CNTNAP5: variants seen among roughly 807,000 people sequenced by gnomAD.
The protein encoded by CNTNAP5 is contactin-associated protein-like 5.
A neutral mutation model predicts 150.2 loss-of-function variants in CNTNAP5; 72 were observed. The ratio of observed to expected loss-of-function variants is 0.48; its 90% CI spans 0.40 to 0.58. The LOEUF is 0.58. Ranked by LOEUF, CNTNAP5 falls within the 20% of genes least tolerant of loss-of-function variation. CNTNAP5 has a pLI of 0.00. For synonymous variants in CNTNAP5, 672 were observed against 619.8 expected (o/e 1.08, Z -1.25); for missense variants, 1,636 against 1,626.2 (o/e 1.01, Z -0.10).
At chr2:124,216,690 T>A (rs552691294) in intron 1 of CNTNAP5, among the ~76,000 whole-genome samples, 1 of 152,280 alleles carries the variant, frequency 6.6e-6, no homozygotes, top group African/African-American at 2.4e-5. Context: ...GTTTCCAGCT[T>A]CATCCATGTC....
At chr2:124,233,854 T>A (rs1237667235) in intron 2 of CNTNAP5, among the ~76,000 whole-genome samples, 2 of 151,698 alleles carry the variant, frequency 1.3e-5, no homozygotes, top group Non-Finnish European at 2.9e-5. Flanking sequence ...TTTATAGAAG[T>A]AGGGAAATCA....
At chr2:124,406,226 T>C (rs553743747) in intron 3 of CNTNAP5, among the ~76,000 whole-genome samples, 8 of 152,360 alleles carry the variant, frequency 5.3e-5, no homozygotes, top group Admixed American at 2.0e-4. Flanking sequence ...CCTATCTTAT[T>C]GTGCAGGATA....
At chr2:124,812,222 G>C (rs1682251989) in intron 19 of CNTNAP5, among the ~76,000 whole-genome samples, 1 of 131,428 alleles carries the variant, frequency 7.6e-6, no homozygotes, top group East Asian at 2.2e-4. Flanking sequence ...TTTTTTAATG[G>C]TAAAGCACAT....
intron 3 of CNTNAP5, among the ~76,000 whole-genome samples, chr2:124,340,161 T>A (rs1318215244): frequency 6.6e-6 from 1 of 152,162 alleles, no homozygotes; most frequent in Non-Finnish European, 1.5e-5. Flanking sequence ...GGAAGGGCTA[T>A]TATCAGCCTT....
chr2:124,748,726 T>C lies in CNTNAP5; in HGVS notation c.2234+1341T>C, dbSNP rs76586564. 3.1e-3 allele frequency among the ~76,000 whole-genome samples: 465 copies of C among 152,278 alleles called. 1 individual carries two copies. The highest frequency in any genetic ancestry group is 4.7e-3 in the Non-Finnish European group (322 of 68,018). ...GGAAAGGACCAGGCATCTGTCTTCA[T>C]TGGGTCCTAGGAGATGTGTATTATC... On this transcript the variant is annotated intron_variant, in intron 14 of 23. Coordinates refer to ENST00000682447, the MANE Select transcript of CNTNAP5 (RefSeq NM_001367498.1).
intron 7 of CNTNAP5, among the ~76,000 whole-genome samples, chr2:124,491,183 GA>G (rs1443854329): frequency 3.3e-5 from 5 of 152,006 alleles, no homozygotes; most frequent in African/African-American, 1.2e-4. Flanking sequence ...TCTTATAATT[GA>G]AAGTTTGTAC....
chr2:124,133,054 T>C (rs777930728), intron 1 of CNTNAP5, among the ~76,000 whole-genome samples: 31 of 152,176 alleles, frequency 2.0e-4, no homozygotes, highest in Non-Finnish European at 4.3e-4. Context: ...GAAGCCTGCC[T>C]GGTTTACAAA....
intron 4 of CNTNAP5, among the ~76,000 whole-genome samples, chr2:124,421,412 G>A (rs557837492): frequency 2.0e-5 from 3 of 152,272 alleles, no homozygotes; most frequent in African/African-American, 7.2e-5. Flanking sequence ...CTGGGAAGCA[G>A]CCTTTGTTCT....
At chr2:124,171,599 C>G (rs890327650) in intron 1 of CNTNAP5, among the ~76,000 whole-genome samples, 4 of 152,194 alleles carry the variant, frequency 2.6e-5, no homozygotes, top group Non-Finnish European at 4.4e-5. Flanking sequence ...AACTCAGACT[C>G]TTGGCTTTCT....
chr2:124,674,152 T>A (rs879775148), intron 13 of CNTNAP5, among the ~76,000 whole-genome samples: 2 of 152,200 alleles, frequency 1.3e-5, no homozygotes, highest in Non-Finnish European at 2.9e-5. Context: ...AATGTTTTGA[T>A]CTTCTCAAAT....
At chr2:124,192,887 G>GTTTAAAGCTA (rs1412949306) in intron 1 of CNTNAP5, among the ~76,000 whole-genome samples, 1 of 152,270 alleles carries the variant, frequency 6.6e-6, no homozygotes, top group African/African-American at 2.4e-5. Flanking sequence ...AAATTGGATG[G>GTTTAAAGCTA]TTTAAAGCTA....
chr2:124,049,329 C>T (rs894971957), intron 1 of CNTNAP5, among the ~76,000 whole-genome samples: 3 of 152,128 alleles, frequency 2.0e-5, no homozygotes, highest in African/African-American at 7.2e-5. Flanking sequence ...AAAGGCACAC[C>T]GCTTACTCAC....
intron 10 of CNTNAP5, among the ~76,000 whole-genome samples, chr2:124,531,116 C>A (rs1695096054): frequency 6.6e-6 from 1 of 151,972 alleles, no homozygotes. Flanking sequence ...ATGGTCTCAT[C>A]TGAGGGTGAT....
At chr2:124,382,481 A>G (rs762994994) in intron 3 of CNTNAP5, among the ~76,000 whole-genome samples, 3 of 152,122 alleles carry the variant, frequency 2.0e-5, no homozygotes, top group South Asian at 2.1e-4. Context: ...TGAACAATAC[A>G]TTTGAGTCTC....
chr2:124,184,267 G>A (rs1313247821), intron 1 of CNTNAP5, among the ~76,000 whole-genome samples: 1 of 152,184 alleles, frequency 6.6e-6, no homozygotes, highest in Non-Finnish European at 1.5e-5. Flanking sequence ...AAATACAAGT[G>A]AGAATTACTT....
intron 21 of CNTNAP5, among the ~76,000 whole-genome samples, chr2:124,896,294 T>C (rs552380066): frequency 2.0e-5 from 3 of 151,416 alleles, no homozygotes; most frequent in African/African-American, 7.3e-5. Flanking sequence ...CACACATACA[T>C]GAATGTCACT....
intron 13 of CNTNAP5, among the ~76,000 whole-genome samples, chr2:124,690,723 G>T (rs1350770121): frequency 3.3e-5 from 5 of 151,846 alleles, no homozygotes; most frequent in Non-Finnish European, 5.9e-5. Context: ...CCCATGTCTG[G>T]TACATCACTT....
chr2:124,606,814 C>A (rs1037407276), intron 11 of CNTNAP5, among the ~76,000 whole-genome samples: 8 of 152,106 alleles, frequency 5.3e-5, no homozygotes, highest in Non-Finnish European at 7.4e-5. Context: ...CAGGAAAGAC[C>A]CGCCCCCTAA....
intron 3 of CNTNAP5, among the ~76,000 whole-genome samples, chr2:124,256,097 C>A (rs1301818767): frequency 1.3e-5 from 2 of 152,052 alleles, no homozygotes; most frequent in Non-Finnish European, 2.9e-5. Context: ...GCTGATGTAT[C>A]TTATGCGTTT....
Sources: gnomAD v4.1 joint callset for allele counts (sites outside exome capture counted in the v4.1 genomes callset) on GRCh38, gnomAD v4.1.1 for gene constraint, MANE v1.5 for transcripts, NCBI Gene and HGNC (gene_info 2026-07-23, HGNC 2026-07-21) for gene names.